The following RANBP9 variants were observed in gnomAD, a reference collection of about 807,000 sequenced individuals.
The protein encoded by RANBP9 is ran-binding protein 9.
In RANBP9, 15 loss-of-function variants were observed where a neutral mutation model predicts 84.3. That is an observed-to-expected ratio of 0.18 (90% CI 0.12 to 0.27). The LOEUF (loss-of-function observed/expected upper bound fraction) is 0.27. Among genes scored for constraint, RANBP9 ranks in the 10% least tolerant of loss-of-function variants. The pLI, the probability that RANBP9 is intolerant of heterozygous loss-of-function variation, is 1.00. For missense variants in RANBP9, 809 were observed against 912.8 expected, an observed-to-expected ratio of 0.89 and a Z score of 1.46; for synonymous variants, 392 against 349.6, an observed-to-expected ratio of 1.12 and a Z score of -1.35.
intron 1 of RANBP9, among the ~76,000 whole-genome samples, chr6:13,698,342 T>C (rs565453471): frequency 3.9e-5 from 6 of 152,202 alleles, no homozygotes; most frequent in Non-Finnish European, 8.8e-5. Context: ...GTAATAGATT[T>C]ACACTGAGCT....
chr6:13,711,360 CCGGCCGGAGAAGAGCCGGCGCTGA>C lies in RANBP9; in HGVS notation c.122_145del (p.Val41_Ala48del), dbSNP rs1758278317. ...GCCGCCCGCACCGCCGCCGGGCGAGCCGGCCGGAGAAGAGCCGGCGCTGACGGCCGGGGGCGCCGGCAGGACGAC... is the reference window on the plus strand; with the variant it reads ...GCCGCCCGCACCGCCGCCGGGCGAGCCGGCCGGGGGCGCCGGCAGGACGAC... On this transcript the variant is annotated inframe_deletion, in exon 1 of 14. Coordinates refer to ENST00000011619, the MANE Select transcript of RANBP9 (RefSeq NM_005493.3). 9.5e-6 allele frequency: 11 copies of C among 1,153,442 alleles called. No individual in the cohort carries two copies. Among genetic ancestry groups the C allele is most frequent in the Non-Finnish European group, 1.2e-5 (11 of 938,080 alleles). 71.5% of individuals were successfully genotyped at this position (1,153,442 alleles called of 1,614,324 possible).
intron 1 of RANBP9, among the ~76,000 whole-genome samples, chr6:13,708,233 G>A (rs576882359): frequency 1.2e-3 from 184 of 151,992 alleles, no homozygotes; most frequent in Non-Finnish European, 2.3e-3. Flanking sequence ...ACTAGCCTAG[G>A]CAACACAGTA....
chr6:13,640,833 G>A (rs892878659), intron 8 of RANBP9, among the ~76,000 whole-genome samples: 1 of 152,046 alleles, frequency 6.6e-6, no homozygotes, highest in African/African-American at 2.4e-5. Context: ...GCACAATGAT[G>A]TGAATGTAAA....
intron 2 of RANBP9, among the ~76,000 whole-genome samples, chr6:13,681,696 C>A (rs1279333420): frequency 7.2e-5 from 11 of 152,154 alleles, no homozygotes; most frequent in Non-Finnish European, 1.6e-4. Flanking sequence ...CTACTTACAG[C>A]CAACTAGTGT....
chr6:13,644,573 C>T lies in RANBP9; in HGVS notation c.1084G>A (p.Glu362Lys), dbSNP rs2127766232. 1 of 1,612,946 alleles carries T rather than the reference C, an allele frequency of 6.2e-7. No homozygotes were observed. The highest frequency in any genetic ancestry group is 8.5e-7 in the Non-Finnish European group (1 of 1,179,576). Residue 362 changes from glutamate (E) to lysine (K), a missense_variant, in exon 6 of 14, where the codon GAA (glutamate) becomes AAA (lysine). Around this residue, in one of 5 missense-constraint regions of RANBP9, gnomAD observed 216 missense variants for 329.0 expected, o/e 0.66. Coordinates refer to ENST00000011619, the MANE Select transcript of RANBP9 (RefSeq NM_005493.3). Reference protein sequence around the residue: ...QIDRFPIGDREGEWQTMIQKM... With the variant: ...QIDRFPIGDRKGEWQTMIQKM... The stretch of plus-strand genomic sequence containing the variant: ...TGTATCATGGTCTGCCATTCTCCTT[C>T]TCGATCTCCGATAGGAAATCGATCT...
At chr6:13,634,368 A>G (rs1562298218) in intron 11 of RANBP9, 63 bp downstream of exon 11, 1 of 1,559,622 alleles carries the variant, frequency 6.4e-7, no homozygotes, top group African/African-American at 1.4e-5. Context: ...AATCAGTACA[A>G]GTAAAAACAT....
chr6:13,661,518 C>G (rs1057423557), intron 2 of RANBP9, among the ~76,000 whole-genome samples: 8 of 150,852 alleles, frequency 5.3e-5, no homozygotes, highest in Non-Finnish European at 8.9e-5. Context: ...AAGAGAAAGA[C>G]CAATAAAATA....
chr6:13,664,380 C>T (rs1299287362), intron 2 of RANBP9, among the ~76,000 whole-genome samples: 1 of 152,182 alleles, frequency 6.6e-6, no homozygotes, highest in East Asian at 1.9e-4. Flanking sequence ...ATCATGTCTA[C>T]GAATTGGGCA....
intron 13 of RANBP9, among the ~76,000 whole-genome samples, chr6:13,622,960 C>CATATAT (rs905700772): frequency 6.6e-6 from 1 of 152,260 alleles, no homozygotes; most frequent in African/African-American, 2.4e-5. Flanking sequence ...ATCTCCAAGG[C>CATATAT]ATATATAGGT....
chr6:13,682,203 T>C (rs565482572), intron 2 of RANBP9, among the ~76,000 whole-genome samples: 1 of 152,238 alleles, frequency 6.6e-6, no homozygotes, highest in African/African-American at 2.4e-5. Context: ...ACAATGTAAA[T>C]GTTTTATATA....
chr6:13,675,268 A>G (rs183186194), intron 2 of RANBP9, among the ~76,000 whole-genome samples: 88 of 152,356 alleles, frequency 5.8e-4, no homozygotes, highest in African/African-American at 2.0e-3. Flanking sequence ...ATTCTGGGAC[A>G]TAAGAAAGAC....
chr6:13,649,590 TCTGC>T (rs1213494322), intron 5 of RANBP9, among the ~76,000 whole-genome samples: 1 of 151,972 alleles, frequency 6.6e-6, no homozygotes, highest in Non-Finnish European at 1.5e-5. Context: ...ACCTACACAC[TCTGC>T]CTGTCCCCAC....
chr6:13,653,111 A>T (rs1318045466), intron 4 of RANBP9, among the ~76,000 whole-genome samples: 1 of 152,198 alleles, frequency 6.6e-6, no homozygotes, highest in Non-Finnish European at 1.5e-5. Context: ...TGGAAAGAAA[A>T]GAGTTTTTCT....
chr6:13,689,013 A>T (rs1405560442), intron 2 of RANBP9, among the ~76,000 whole-genome samples: 2 of 141,606 alleles, frequency 1.4e-5, no homozygotes, highest in African/African-American at 5.2e-5. Context: ...AATGCTGGGC[A>T]TGGTGACGCA....
intron 2 of RANBP9, among the ~76,000 whole-genome samples, chr6:13,674,796 TTTC>T (rs1175799315): frequency 3.9e-5 from 6 of 152,214 alleles, no homozygotes; most frequent in African/African-American, 1.2e-4. Flanking sequence ...AGGGAGCCCT[TTTC>T]TTCTTCTCTT....
At chr6:13,661,128 T>C (rs1198779335) in intron 2 of RANBP9, among the ~76,000 whole-genome samples, 2 of 152,120 alleles carry the variant, frequency 1.3e-5, no homozygotes, top group South Asian at 2.1e-4. Context: ...AAGAATATAC[T>C]GATATCCCCT....
At chr6:13,704,511 G>T (rs929891685) in intron 1 of RANBP9, among the ~76,000 whole-genome samples, 1 of 152,024 alleles carries the variant, frequency 6.6e-6, no homozygotes, top group East Asian at 1.9e-4. Flanking sequence ...CGTGCCTGTA[G>T]TTGCAGCTAT....
At chr6:13,693,061 G>C (rs1020213697) in intron 2 of RANBP9, among the ~76,000 whole-genome samples, 1 of 152,126 alleles carries the variant, frequency 6.6e-6, no homozygotes. Flanking sequence ...CATAATTACA[G>C]TCTGGCCAAA....
intron 2 of RANBP9, among the ~76,000 whole-genome samples, chr6:13,659,684 T>C (rs1193944926): frequency 3.3e-5 from 5 of 152,302 alleles, no homozygotes; most frequent in Admixed American, 6.5e-5. Flanking sequence ...ATCAAGGTTT[T>C]AAATGGCATT....
Sources: allele counts gnomAD v4.1 joint callset (sites outside exome capture counted in the v4.1 genomes callset), GRCh38; gene constraint gnomAD v4.1.1; regional missense constraint gnomAD v4.1.1; transcripts MANE v1.5; gene names NCBI Gene and HGNC (gene_info 2026-07-23, HGNC 2026-07-21).